The following FAN1 variants were observed in gnomAD, a reference collection of about 807,000 sequenced individuals.
FAN1 encodes the protein fanconi-associated nuclease 1.
FAN1 carries 91 observed loss-of-function variants against 104.9 expected under a neutral mutation model. The ratio of observed to expected loss-of-function variants is 0.87; its 90% confidence interval spans 0.73 to 1.03. The LOEUF (loss-of-function observed/expected upper bound fraction) is 1.03, where lower values mean the gene tolerates loss of function less well. Ranked by LOEUF, FAN1 falls within the 50% of genes least tolerant of loss-of-function variation. The pLI is 0.00. For synonymous variants in FAN1, 478 were observed against 457.6 expected, an observed-to-expected ratio of 1.04 and a Z score of -0.57; for missense variants, 1,263 against 1,239.9, an observed-to-expected ratio of 1.02 and a Z score of -0.28.
Position 30,905,894 on chromosome 15 carries a change from T to C in FAN1, c.1231T>C (p.Ser411Pro), listed in dbSNP as rs1442994771. Residue 411 changes from serine to proline, a missense_variant, in exon 2 of 15, where the codon TCA becomes CCA. This residue lies in a region of FAN1 where 682 missense variants were observed against 571.1 expected (regional missense o/e 1.19). Transcript: ENST00000362065. ...AATTGTAACTAAATTTTATCAGTTA[T>C]CAGGTATCTTACGCACGTGTTTGTT... ...KGIVTKFYQLSATGQKLYVRL... is the reference protein window; with the variant it reads ...KGIVTKFYQLPATGQKLYVRL... The C allele has an allele frequency of 3.1e-6, 5 of 1,610,908 alleles. No individual in the cohort carries two copies. The highest frequency in any genetic ancestry group is 4.2e-6 in the Non-Finnish European group (5 of 1,177,986).
intron 6 of FAN1, among the ~76,000 whole-genome samples, chr15:30,919,895 AGTTTAAACCCAT>A (rs1251362759): frequency 6.6e-6 from 1 of 152,186 alleles, no homozygotes; most frequent in Non-Finnish European, 1.5e-5. Context: ...GGACGTGTGC[AGTTTAAACCCAT>A]GTTGTCCAGG....
chr15:30,930,526 C>G lies in FAN1; in HGVS notation c.2788-17C>G, dbSNP rs2062681320. Reference sequence around the variant, plus strand: ...GTCACGAGGGAAGTGGCTAACTGTCCTGTGTTTTGTGTTCAGGATCTTGTC... The same window carrying G: ...GTCACGAGGGAAGTGGCTAACTGTCGTGTGTTTTGTGTTCAGGATCTTGTC... On this transcript the variant is annotated splice_polypyrimidine_tract_variant and intron_variant, in intron 12 of 14. Transcript: ENST00000362065. The G allele has an allele frequency of 6.3e-7, 1 of 1,580,978 alleles. No homozygotes were observed. Among genetic ancestry groups the G allele is most frequent in the Non-Finnish European group, 8.5e-7 (1 of 1,170,132 alleles).
intron 13 of FAN1, among the ~76,000 whole-genome samples, chr15:30,935,888 T>TG (rs970169553): frequency 2.0e-5 from 3 of 152,110 alleles, no homozygotes; most frequent in Admixed American, 1.3e-4. Context: ...CTATATCCCC[T>TG]GATTATACAG....
intron 12 of FAN1, 29 bp from the exon 13 acceptor site, chr15:30,930,514 T>C (rs921623565): frequency 1.3e-6 from 2 of 1,564,742 alleles, no homozygotes; most frequent in Admixed American, 4.3e-5. Context: ...ACGAGGGAAG[T>C]GGCTAACTGT....
chr15:30,939,325 C>G lies in FAN1; in HGVS notation c.*3+2066C>G, dbSNP rs181070366. On this transcript the variant is annotated intron_variant, in intron 14 of 14. Transcript: ENST00000362065. ...GCATCTGTGCGGCATTCCCTCAGCACGGGCTCTGCTGGCGGGCAGCAGGGG... is the reference window on the plus strand; with the variant it reads ...GCATCTGTGCGGCATTCCCTCAGCAGGGGCTCTGCTGGCGGGCAGCAGGGG... 1.4e-4 allele frequency: 134 copies of G among 985,488 alleles called. No individual in the cohort carries two copies. In the African/African-American group the frequency reaches 2.1e-3, roughly 16 times the overall value. 61.0% of individuals were successfully genotyped at this position (985,488 alleles called of 1,614,324 possible). A position where few individuals can be genotyped will look rare whatever the true frequency, so the allele number is the denominator to read the frequency against.
rs530562693 is a variant in FAN1 at position 30,929,848 on chromosome 15, T to TATATA, written c.2787+452_2787+456dup. Among the ~76,000 whole-genome samples, 437 of 64,258 alleles carry TATATA rather than the reference T, an allele frequency of 6.8e-3. 94 individuals carry two copies. Among genetic ancestry groups the TATATA allele is most frequent in the African/African-American group, 0.031 (301 of 9,748 alleles). 42.2% of individuals were successfully genotyped at this position (64,258 alleles called of 152,430 possible). On this transcript the variant is annotated intron_variant, in intron 12 of 14. Transcript: ENST00000362065. ...ATCATATATAATATAATATATAAAA[T>TATATA]ATATATCATATATAATATATATAAA...
At chr15:30,940,079 G>A in intron 14 of FAN1, 1 of 983,260 alleles carries the variant, frequency 1.0e-6, no homozygotes, top group Non-Finnish European at 1.2e-6. Context: ...AAGGAAATAA[G>A]CTAACTAGAC....
chr15:30,924,321 C>T (rs1006709612), intron 8 of FAN1, among the ~76,000 whole-genome samples: 2 of 152,112 alleles, frequency 1.3e-5, no homozygotes, highest in Non-Finnish European at 2.9e-5. Flanking sequence ...TGTTTCAGTC[C>T]CTGGTTTCAA....
chr15:30,905,978 T>C lies in FAN1; in HGVS notation c.1234+81T>C, dbSNP rs918924626. On this transcript the variant is annotated intron_variant, in intron 2 of 14. Coordinates refer to ENST00000362065, the MANE Select transcript of FAN1 (RefSeq NM_014967.5). ...TGGGGCATGATGTGATGGGCAGTAA[T>C]CTAGTGACCGCAAGGAGTCACTGTG... is the stretch of plus-strand genomic sequence containing the variant. 25 of 1,308,206 alleles carry C rather than the reference T, an allele frequency of 1.9e-5. No homozygotes were observed. In the South Asian group the frequency reaches 3.1e-4, roughly 16 times the overall value. 81.0% of individuals were successfully genotyped at this position (1,308,206 alleles called of 1,614,324 possible).
intron 2 of FAN1, among the ~76,000 whole-genome samples, chr15:30,907,526 AC>A (rs2062008544): frequency 1.8e-5 from 2 of 113,576 alleles, no homozygotes; most frequent in Middle Eastern, 8.3e-3. Context: ...CTCAAAAAAA[AC>A]AAAACAAAAA....
rs371606911 is a variant in FAN1, at chr15:30,928,331, T to G, written c.2489-222T>G. ...ATGTTCATTTGAATTTTTCTATGAT[T>G]ACTAAGATTTTTGCCCTTAAGGCTC... On this transcript the variant is annotated intron_variant, in intron 10 of 14. Transcript: ENST00000362065. 5.7e-4 allele frequency: 740 copies of G among 1,301,022 alleles called. 1 individual carries two copies. Among genetic ancestry groups the G allele is most frequent in the Non-Finnish European group, 7.0e-4 (720 of 1,028,914 alleles). 80.6% of individuals were successfully genotyped at this position (1,301,022 alleles called of 1,614,324 possible).
chr15:30,908,814 C>T (rs1431525208), intron 3 of FAN1, among the ~76,000 whole-genome samples: 2 of 152,156 alleles, frequency 1.3e-5, no homozygotes, highest in Non-Finnish European at 1.5e-5. Flanking sequence ...GCATTTCAGC[C>T]TGGGCAACCA....
At chr15:30,912,846 C>T (rs1360468580) in intron 4 of FAN1, among the ~76,000 whole-genome samples, 1 of 152,172 alleles carries the variant, frequency 6.6e-6, no homozygotes, top group African/African-American at 2.4e-5. Flanking sequence ...AAAGAATTAC[C>T]TAGCCTAAAT....
rs756748584 is a variant in FAN1 at position 30,904,726 on chromosome 15, G to A, written c.63G>A (p.Lys21=). The A allele has an allele frequency of 5.0e-6, 8 of 1,610,428 alleles. No homozygotes were observed. Among genetic ancestry groups the A allele is most frequent in the Admixed American group, 1.7e-5 (1 of 59,548 alleles). The change falls in exon 2 of 15, where the codon AAG becomes AAA. Residue 21 remains lysine, a synonymous_variant. Coordinates refer to ENST00000362065, the MANE Select transcript of FAN1 (RefSeq NM_014967.5). ...CTCGTAGAAGCTTATCAATCAGCAAGAATAAGAAAAAAGCATCTAATTCTA... is the reference window on the plus strand; with the variant it reads ...CTCGTAGAAGCTTATCAATCAGCAAAAATAAGAAAAAAGCATCTAATTCTA... ...KRPRRSLSIS[K]NKKKASNSII...
intron 11 of FAN1, chr15:30,928,944 G>T: frequency 2.9e-6 from 1 of 344,792 alleles, no homozygotes; most frequent in Non-Finnish European, 4.1e-6. Flanking sequence ...CGCAGGCACT[G>T]TGCCAAGGAG....
In FAN1 at chr15:30,905,862, A is replaced by T. The variant is rs564873625; in HGVS notation, c.1199A>T (p.Glu400Val). The T allele has an allele frequency of 5.0e-6, 8 of 1,613,706 alleles. No individual in the cohort carries two copies. The East Asian group carries it at 1.8e-4, about 36-fold the overall frequency. Residue 400 changes from glutamate to valine, a missense_variant, in exon 2 of 15, where the codon GAG (glutamate) becomes GTG (valine). Coordinates refer to ENST00000362065, the MANE Select transcript of FAN1 (RefSeq NM_014967.5). ...EDDMLLFDEQ[E>V]KGIVTKFYQL... ...GATATGTTGCTCTTTGATGAGCAGG[A>T]GAAGGGAATTGTAACTAAATTTTAT... is the stretch of plus-strand genomic sequence containing the variant.
chr15:30,904,453 C>T (rs1814740674), intron 1 of FAN1, 59 bp from the exon 2 acceptor site: 1 of 657,744 alleles, frequency 1.5e-6, no homozygotes, highest in Admixed American at 2.5e-5. Flanking sequence ...TCAGAGTTCG[C>T]TTTTCCCCTT....
At position 30,904,616 on chromosome 15, in the gene FAN1, A is replaced by G. The variant is rs2061928012; in HGVS notation, c.-48A>G. 6.3e-7 allele frequency: 1 copy of G among 1,576,734 alleles called. No homozygotes were observed. Among genetic ancestry groups the G allele is most frequent in the Non-Finnish European group, 8.7e-7 (1 of 1,149,450 alleles). On this transcript the variant is annotated 5_prime_UTR_variant, in exon 2 of 15. Transcript: ENST00000362065. ...GTAAACCATTGCTATCTTTCACCTTAAATATCCTGTGTTTTATTGCTCAGA... is the reference window on the plus strand; with the variant it reads ...GTAAACCATTGCTATCTTTCACCTTGAATATCCTGTGTTTTATTGCTCAGA...
chr15:30,925,277 C>G lies in FAN1; in HGVS notation c.2323C>G (p.Gln775Glu). The change falls in exon 9 of 15, where the codon CAA (glutamine) becomes GAA (glutamate). Residue 775 changes from glutamine to glutamate, a missense_variant. Coordinates refer to ENST00000362065, the MANE Select transcript of FAN1 (RefSeq NM_014967.5). ...CCAGCAGCTCCCAGAAATGGCTGTG[C>G]AAGATGTGAAACACGTGAGGAAAGA... ...LFQQLPEMAV[Q>E]DVKHVTITGR... 1 of 1,613,918 alleles carries G rather than the reference C, an allele frequency of 6.2e-7. No homozygotes were observed. Among genetic ancestry groups the G allele is most frequent in the Non-Finnish European group, 8.5e-7 (1 of 1,179,924 alleles).
Sources: gnomAD v4.1 joint callset for allele counts (sites outside exome capture counted in the v4.1 genomes callset) on GRCh38, gnomAD v4.1.1 for gene constraint, gnomAD v4.1.1 regional missense constraint, MANE v1.5 for transcripts, NCBI Gene and HGNC (gene_info 2026-07-23, HGNC 2026-07-21) for gene names.